Variants in PXDN observed in about 807,000 individuals in gnomAD.
PXDN encodes peroxidasin, also known as peroxidasin homolog.
In PXDN, 77 loss-of-function variants were observed where a neutral mutation model predicts 140.3. The ratio of observed to expected loss-of-function variants is 0.55; its 90% CI spans 0.46 to 0.66. The LOEUF (loss-of-function observed/expected upper bound fraction) is 0.66, where lower values mean the gene tolerates loss of function less well. Among genes scored for constraint, PXDN ranks in the 30% least tolerant of loss-of-function variants. The probability of loss-of-function intolerance (pLI) is 0.00; values close to 1 mark genes in which losing one functional copy is unlikely to be tolerated. For synonymous variants in PXDN, 911 were observed against 857.4 expected, an observed-to-expected ratio of 1.06 and a Z score of -1.09; for missense variants, 1,838 against 2,039.5, an observed-to-expected ratio of 0.90 and a Z score of 1.90.
intron 3 of PXDN, among the ~76,000 whole-genome samples, chr2:1,688,431 T>C (rs1684110238): frequency 6.6e-6 from 1 of 152,172 alleles, no homozygotes; most frequent in South Asian, 2.1e-4. Flanking sequence ...AGAGGACTGG[T>C]CCTGCACAGA....
intron 14 of PXDN, among the ~76,000 whole-genome samples, chr2:1,657,882 C>G (rs1279501141): frequency 5.0e-5 from 7 of 140,378 alleles, no homozygotes; most frequent in Admixed American, 4.1e-4. Context: ...CCCTCCTGAC[C>G]GAAACCTGCC....
intron 1 of PXDN, among the ~76,000 whole-genome samples, chr2:1,727,680 A>AACCCCCTGCCCACCAG (rs1253598813): frequency 2.0e-5 from 3 of 152,170 alleles, no homozygotes; most frequent in Non-Finnish European, 4.4e-5. Flanking sequence ...AGTGGAGTCC[A>AACCCCCTGCCCACCAG]ACCCCCTGCC....
intron 1 of PXDN, among the ~76,000 whole-genome samples, chr2:1,717,690 C>A (rs928157705): frequency 2.0e-5 from 3 of 152,114 alleles, no homozygotes; most frequent in Non-Finnish European, 4.4e-5. Context: ...GCAGCACAGA[C>A]ATCCTCTACT....
chr2:1,649,636 T>G lies in PXDN; in HGVS notation c.2144A>C (p.Asn715Thr). ...ACAGCCCGACAGGTTTGCGATGAGG[T>G]TCAGGTACTGTGGAGACACCAGGTC... ...YNDLVSPQYL[N>T]LIANLSGCTA... Residue 715 changes from asparagine to threonine, a missense_variant, in exon 17 of 23, where the codon AAC becomes ACC. Transcript: ENST00000252804. This position sits in a 1 kb window ranked among gnomAD's most constrained non-coding sequence, Gnocchi z 7.1. 6.2e-7 allele frequency: 1 copy of G among 1,613,918 alleles called. No homozygotes were observed. Among genetic ancestry groups the G allele is most frequent in the Non-Finnish European group, 8.5e-7 (1 of 1,179,872 alleles).
At chr2:1,724,222 A>G (rs1270890382) in intron 1 of PXDN, among the ~76,000 whole-genome samples, 1 of 152,036 alleles carries the variant, frequency 6.6e-6, no homozygotes, top group Non-Finnish European at 1.5e-5. Flanking sequence ...AAAAATATTA[A>G]TCTAAGAGTT....
intron 2 of PXDN, 109 bp downstream of exon 2, chr2:1,692,954 C>G: frequency 4.6e-6 from 5 of 1,098,120 alleles, no homozygotes; most frequent in Non-Finnish European, 5.3e-6. Context: ...TCCTGCTCCA[C>G]TTTTCCCCAC....
At chr2:1,682,515 C>T (rs1448141073) in intron 6 of PXDN, among the ~76,000 whole-genome samples, 1 of 152,180 alleles carries the variant, frequency 6.6e-6, no homozygotes, top group Admixed American at 6.5e-5. Flanking sequence ...TAATATCTAA[C>T]CGAAACTAAC....
At chr2:1,658,058 CTCTCT>C (rs1683198923) in intron 14 of PXDN, among the ~76,000 whole-genome samples, 2 of 126,898 alleles carry the variant, frequency 1.6e-5, no homozygotes, top group Non-Finnish European at 3.3e-5. Context: ...CTCTCTCTCT[CTCTCT>C]CTCTCTCTCT....
In PXDN at chr2:1,666,463, G is replaced by C. The variant is rs773575387; in HGVS notation, c.1042C>G (p.Pro348Ala). The C allele has an allele frequency of 4.4e-6, 7 of 1,596,348 alleles. No individual in the cohort carries two copies. In the Admixed American group the frequency reaches 1.0e-4, roughly 23 times the overall value. Reference sequence around the variant, plus strand: ...CCAACCAGCACCTCTGTATTCTGTGGCTGGATTACAAAAGTGGGTCGAGCT... The same window carrying C: ...CCAACCAGCACCTCTGTATTCTGTGCCTGGATTACAAAAGTGGGTCGAGCT... The part of the protein sequence containing the change: ...SPARPTFVIQ[P>A]QNTEVLVGES... The change falls in exon 10 of 23, where the codon CCA becomes GCA. Residue 348 changes from proline to alanine, a missense_variant. By Grantham distance (27) the Pro-to-Ala change is conservative. Coordinates refer to ENST00000252804, the MANE Select transcript of PXDN (RefSeq NM_012293.3).
chr2:1,638,803 T>C, intron 21 of PXDN, 43 bp downstream of exon 21: 1 of 1,613,068 alleles, frequency 6.2e-7, no homozygotes, highest in Non-Finnish European at 8.5e-7. Flanking sequence ...TGTGCTGCTG[T>C]GGAATCTTGG....
chr2:1,675,482 A>G (rs1463926926), intron 8 of PXDN, among the ~76,000 whole-genome samples: 1 of 152,188 alleles, frequency 6.6e-6, no homozygotes, highest in Non-Finnish European at 1.5e-5. Context: ...AATCTCATCA[A>G]CTTGGGAGCC....
intron 1 of PXDN, among the ~76,000 whole-genome samples, chr2:1,715,024 A>G (rs576763469): frequency 2.0e-5 from 3 of 152,182 alleles, no homozygotes; most frequent in African/African-American, 7.2e-5. Flanking sequence ...TTACAAATAA[A>G]CAATACAAAT....
chr2:1,726,546 T>A (rs1411364963), intron 1 of PXDN, among the ~76,000 whole-genome samples: 3 of 151,942 alleles, frequency 2.0e-5, no homozygotes, highest in Non-Finnish European at 4.4e-5. Flanking sequence ...AACCTGCACA[T>A]TGTGCACATG....
chr2:1,646,980 C>A (rs541357228), intron 17 of PXDN, among the ~76,000 whole-genome samples: 1 of 152,308 alleles, frequency 6.6e-6, no homozygotes, highest in African/African-American at 2.4e-5. Context: ...ACTGCAATAT[C>A]TGCCACCCAG....
intron 1 of PXDN, among the ~76,000 whole-genome samples, chr2:1,728,721 G>A (rs1212858018): frequency 2.0e-5 from 3 of 152,196 alleles, no homozygotes; most frequent in Non-Finnish European, 2.9e-5. Context: ...CAGGTGTGGT[G>A]GAGAAGCTCC....
At chr2:1,743,065 C>T (rs942544605) in intron 1 of PXDN, among the ~76,000 whole-genome samples, 4 of 152,226 alleles carry the variant, frequency 2.6e-5, no homozygotes, top group Admixed American at 1.3e-4. Flanking sequence ...TTAGAGTCGG[C>T]GCCTGAAACG....
At position 1,683,598 on chromosome 2, in the gene PXDN, G is replaced by C. The variant is rs1055155897; in HGVS notation, c.560+58C>G. On this transcript the variant is annotated intron_variant, in intron 6 of 22. Coordinates refer to ENST00000252804, the MANE Select transcript of PXDN (RefSeq NM_012293.3). Reference sequence around the variant, plus strand: ...TACTTGAAAAAGAACCAGGTGAATAGATAACAGAGAGAAAGAAGGCTTTGC... The same window carrying C: ...TACTTGAAAAAGAACCAGGTGAATACATAACAGAGAGAAAGAAGGCTTTGC... 7.7e-6 allele frequency: 8 copies of C among 1,038,330 alleles called. No homozygotes were observed. The African/African-American group carries it at 1.5e-4, about 19-fold the overall frequency. The allele number at this position is 1,038,330 out of a possible 1,614,324, so 64.3% of individuals were successfully genotyped here.
At position 1,706,347 on chromosome 2, in the gene PXDN, A is replaced by C. The variant is rs140644879; in HGVS notation, c.201-13213T>G. On this transcript the variant is annotated intron_variant, in intron 1 of 22. Transcript: ENST00000252804. ...GAGCAAGTGCAGTAACAACTGTTTA[A>C]GTCACAAATCGGACACGGTCTCACT... 2.3e-3 allele frequency among the ~76,000 whole-genome samples: 351 copies of C among 152,312 alleles called. 2 individuals are homozygous for C. The highest frequency in any genetic ancestry group is 8.2e-3 in the African/African-American group (339 of 41,572).
chr2:1,696,428 A>G (rs74843869), intron 1 of PXDN, among the ~76,000 whole-genome samples: 6,527 of 152,304 alleles, frequency 0.043, 459 homozygotes, highest in African/African-American at 0.15. Flanking sequence ...AAAGGGGGTT[A>G]TCTTAGAAGA....
Sources: gnomAD v4.1 joint callset for allele counts (sites outside exome capture counted in the v4.1 genomes callset) on GRCh38, gnomAD v4.1.1 for gene constraint, Gnocchi (gnomAD v3.1) non-coding constraint, MANE v1.5 for transcripts, NCBI Gene and HGNC (gene_info 2026-07-23, HGNC 2026-07-21) for gene names.